SIAE: variants seen among roughly 807,000 people sequenced by gnomAD.
SIAE encodes sialic acid acetylesterase.
In SIAE, 39 loss-of-function variants were observed where a neutral mutation model predicts 52.6. The ratio of observed to expected loss-of-function variants is 0.74; its 90% CI spans 0.57 to 0.97. SIAE has a LOEUF of 0.97. SIAE is among the 50% of genes least tolerant of loss of function. The probability of loss-of-function intolerance (pLI) is 0.00; values close to 1 mark genes in which losing one functional copy is unlikely to be tolerated. For synonymous variants in SIAE, 233 were observed against 241.4 expected (o/e 0.97, Z 0.32); for missense variants, 592 against 662.1 (o/e 0.89, Z 1.16).
At chr11:124,672,992 G>GTA (rs1195638735) in intron 1 of SIAE, among the ~76,000 whole-genome samples, 1 of 152,106 alleles carries the variant, frequency 6.6e-6, no homozygotes, top group Non-Finnish European at 1.5e-5. Flanking sequence ...CCAGCCTAGG[G>GTA]TATTCGAATG....
rs778481387 is a variant in SIAE, at chr11:124,648,167, G to C, written c.731C>G (p.Pro244Arg). 8 of 1,613,154 alleles carry C rather than the reference G, an allele frequency of 5.0e-6. No individual in the cohort carries two copies. Among genetic ancestry groups the C allele is most frequent in the Non-Finnish European group, 6.8e-6 (8 of 1,179,306 alleles). ...ACTGGGACCAGTTACAGAATCGTAT[G>C]GAATGGACCTGAAATCATATGATGC... is the stretch of plus-strand genomic sequence containing the variant. Reference protein sequence around the residue: ...ACGVPKQGSIPYDSVTGPSKH... With the variant: ...ACGVPKQGSIRYDSVTGPSKH... The change falls in exon 6 of 10, where the codon CCA becomes CGA. Residue 244 changes from proline to arginine, a missense_variant. Coordinates refer to ENST00000263593, the MANE Select transcript of SIAE (RefSeq NM_170601.5).
intron 1 of SIAE, among the ~76,000 whole-genome samples, chr11:124,672,095 T>A (rs1035078747): frequency 7.9e-5 from 12 of 152,112 alleles, no homozygotes; most frequent in Non-Finnish European, 1.3e-4. Context: ...GTATTTTTAG[T>A]AGAGACGGGG....
intron 2 of SIAE, 127 bp downstream of exon 2, chr11:124,669,233 T>C (rs964776258): frequency 8.9e-6 from 11 of 1,238,428 alleles, no homozygotes; most frequent in African/African-American, 4.4e-5. Context: ...ATAACTTTTA[T>C]GGATGAATGG....
In SIAE at chr11:124,659,090, C is replaced by T. The variant is rs1306861124; in HGVS notation, c.405+1538G>A. 2.0e-5 allele frequency: 3 copies of T among 152,146 alleles called. No individual in the cohort carries two copies. In the South Asian group the frequency reaches 6.2e-4, roughly 31 times the overall value. The allele number at this position is 152,146 out of a possible 1,614,324, so 9.4% of individuals were successfully genotyped here. On this transcript the variant is annotated intron_variant, in intron 3 of 9. Coordinates refer to ENST00000263593, the MANE Select transcript of SIAE (RefSeq NM_170601.5). The stretch of plus-strand genomic sequence containing the variant: ...CAGAGCTTAGAGACCTAGCTTTATA[C>T]AGAAGATGCTCAGGGGTAAATTCTA...
chr11:124,663,181 C>T (rs1023221718), intron 2 of SIAE, among the ~76,000 whole-genome samples: 1 of 151,878 alleles, frequency 6.6e-6, no homozygotes, highest in East Asian at 1.9e-4. Flanking sequence ...GACAATAACA[C>T]AAGTGTTAAG....
At position 124,644,578 on chromosome 11, in the gene SIAE, G is replaced by A. The variant is rs57417318; in HGVS notation, c.966+2787C>T. Reference sequence around the variant, plus strand: ...TTCCTAATCTGAGATACAGTGGGGCGCTAATCCGTCTCCCACAGTGGCTGG... The same window carrying A: ...TTCCTAATCTGAGATACAGTGGGGCACTAATCCGTCTCCCACAGTGGCTGG... On this transcript the variant is annotated intron_variant, in intron 7 of 9. Coordinates refer to ENST00000263593, the MANE Select transcript of SIAE (RefSeq NM_170601.5). 8.4e-3 allele frequency among the ~76,000 whole-genome samples: 1,275 copies of A among 152,262 alleles called. 22 individuals are homozygous for A. The East Asian group carries it at 0.091, about 11-fold the overall frequency.
At chr11:124,640,252 T>C (rs1207728346) in intron 7 of SIAE, among the ~76,000 whole-genome samples, 1 of 152,192 alleles carries the variant, frequency 6.6e-6, no homozygotes, top group Middle Eastern at 3.2e-3. Flanking sequence ...GTAAACACCA[T>C]CCAGTTACCC....
At chr11:124,667,209 A>G (rs571492702) in intron 2 of SIAE, among the ~76,000 whole-genome samples, 12 of 152,318 alleles carry the variant, frequency 7.9e-5, no homozygotes, top group East Asian at 3.9e-4. Flanking sequence ...CATTATTTGT[A>G]CACAATGCTC....
At chr11:124,660,331 C>A (rs1202163020) in intron 3 of SIAE, 17 of 333,290 alleles carry the variant, frequency 5.1e-5, no homozygotes, top group South Asian at 1.2e-4. Context: ...TAAAAATCAA[C>A]TTGAGAAGAA....
intron 4 of SIAE, among the ~76,000 whole-genome samples, chr11:124,650,643 G>A (rs1042989730): frequency 4.6e-5 from 7 of 151,904 alleles, no homozygotes; most frequent in Non-Finnish European, 8.8e-5. Flanking sequence ...CGTGGTGGTG[G>A]GCACCTGTAA....
chr11:124,644,124 A>G (rs1335562501), intron 7 of SIAE, among the ~76,000 whole-genome samples: 1 of 152,190 alleles, frequency 6.6e-6, no homozygotes, highest in Non-Finnish European at 1.5e-5. Flanking sequence ...GCCATTTACA[A>G]TTCTCTTATT....
intron 1 of SIAE, among the ~76,000 whole-genome samples, chr11:124,672,810 T>TCATTTTTCTGCACGCTGTTCTCCTACCC: frequency 6.6e-6 from 1 of 152,032 alleles, no homozygotes; most frequent in Non-Finnish European, 1.5e-5. Flanking sequence ...AGAGCAGGAG[T>TCATTTTTCTGCACGCTGTTCTCCTACCC]CATTTTTCTG....
At chr11:124,675,099 G>T (rs1943443117), upstream of SIAE, 1 of 754,486 alleles carries the variant, frequency 1.3e-6, no homozygotes, top group South Asian at 2.2e-5. Context: ...TGGAAGAAAT[G>T]GATGGGCTTG....
rs144787587 is a variant in SIAE, at chr11:124,634,952, G to A, written c.*1999C>T. On this transcript the variant is annotated 3_prime_UTR_variant, in exon 10 of 10. Transcript: ENST00000263593. ...ATAAATTTCATTTTAAAACTAAAAA[G>A]TTCTTACATTTGGGGAAATGCAGTG... The A allele has an allele frequency of 2.0e-5, 3 of 152,252 alleles. No individual in the cohort carries two copies. The highest frequency in any genetic ancestry group is 7.2e-5 in the African/African-American group (3 of 41,554). The allele number at this position is 152,252 out of a possible 1,614,324, so 9.4% of individuals were successfully genotyped here.
At chr11:124,675,315 G>A (rs1333213735), upstream of SIAE, 1 of 1,614,036 alleles carries the variant, frequency 6.2e-7, no homozygotes, top group Non-Finnish European at 8.5e-7. Context: ...AAGGATTTGG[G>A]AATCTTCTTG....
At chr11:124,637,649 G>C (rs1218034226) in intron 9 of SIAE, among the ~76,000 whole-genome samples, 5 of 152,150 alleles carry the variant, frequency 3.3e-5, no homozygotes, top group Non-Finnish European at 5.9e-5. Flanking sequence ...CAAGCCAGAA[G>C]GCAATCCAGA....
chr11:124,669,277 G>A, intron 2 of SIAE, 83 bp downstream of exon 2: 1 of 1,515,630 alleles, frequency 6.6e-7, no homozygotes, highest in East Asian at 2.3e-5. Flanking sequence ...GATAATGTGA[G>A]CTACAGCATT....
At chr11:124,638,800 A>T in intron 8 of SIAE, 63 bp from the exon 9 acceptor site, 4 of 1,332,074 alleles carry the variant, frequency 3.0e-6, no homozygotes, top group Non-Finnish European at 4.3e-6. Flanking sequence ...ACATTTTTTT[A>T]AAAGGGGGAT....
At chr11:124,675,505 G>A (rs1485803728), upstream of SIAE, 2 of 1,445,002 alleles carry the variant, frequency 1.4e-6, no homozygotes, top group Non-Finnish European at 9.3e-7. Flanking sequence ...TCTCCATTCT[G>A]CAGAAAGCCT....
Sources: allele counts gnomAD v4.1 joint callset (sites outside exome capture counted in the v4.1 genomes callset), GRCh38; gene constraint gnomAD v4.1.1; transcripts MANE v1.5; gene names NCBI Gene and HGNC (gene_info 2026-07-23, HGNC 2026-07-21).